The following MTUS2 variants were observed in gnomAD, a reference collection of about 807,000 sequenced individuals.
MTUS2 encodes microtubule-associated tumor suppressor candidate 2.
In MTUS2, 40 loss-of-function variants were observed where a neutral mutation model predicts 114.1. The ratio of observed to expected loss-of-function variants is 0.35; its 90% confidence interval spans 0.27 to 0.46. The LOEUF is 0.46. MTUS2 is among the 20% of genes least tolerant of loss of function. The pLI, the probability that MTUS2 is intolerant of heterozygous loss-of-function variation, is 1.00. For synonymous variants in MTUS2, 688 were observed against 672.0 expected (o/e 1.02, Z -0.37); for missense variants, 1,679 against 1,705.4 (o/e 0.98, Z 0.27).
At chr13:29,485,183 A>G (rs989349327) in intron 10 of MTUS2, 5 of 152,690 alleles carry the variant, frequency 3.3e-5, no homozygotes, top group Non-Finnish European at 1.5e-5. Context: ...GTGATCTTCA[A>G]TGCATAGAAA....
At chr13:29,054,014 A>G (rs112267832) in intron 4 of MTUS2, among the ~76,000 whole-genome samples, 3 of 152,220 alleles carry the variant, frequency 2.0e-5, no homozygotes, top group Non-Finnish European at 2.9e-5. Context: ...CAGTTTTCCT[A>G]TCTTACAGTC....
At chr13:29,274,959 T>C (rs1284345584) in intron 5 of MTUS2, among the ~76,000 whole-genome samples, 2 of 151,200 alleles carry the variant, frequency 1.3e-5, no homozygotes, top group African/African-American at 4.8e-5. Flanking sequence ...AGTCTCAAAC[T>C]CTGGCCTCAA....
chr13:29,482,804 A>G (rs1258602771), intron 10 of MTUS2, among the ~76,000 whole-genome samples: 1 of 152,226 alleles, frequency 6.6e-6, no homozygotes, highest in African/African-American at 2.4e-5. Flanking sequence ...TCTTTCCAAC[A>G]CAAACCCATT....
At chr13:29,124,455 G>A (rs531423945) in intron 5 of MTUS2, among the ~76,000 whole-genome samples, 1 of 152,148 alleles carries the variant, frequency 6.6e-6, no homozygotes, top group South Asian at 2.1e-4. Context: ...AGGATGTGAA[G>A]ACATTGGAAC....
chr13:29,015,827 C>T (rs1408887530), intron 2 of MTUS2, among the ~76,000 whole-genome samples: 1 of 152,066 alleles, frequency 6.6e-6, no homozygotes, highest in African/African-American at 2.4e-5. Flanking sequence ...TTATAGAACT[C>T]ATTCCATGTG....
intron 4 of MTUS2, among the ~76,000 whole-genome samples, chr13:29,094,574 T>C (rs1453854198): frequency 6.6e-6 from 1 of 152,082 alleles, no homozygotes; most frequent in African/African-American, 2.4e-5. Context: ...CCTTCTGTTT[T>C]TCTTGGCTGG....
chr13:29,180,492 CA>C (rs1311758322), intron 5 of MTUS2, among the ~76,000 whole-genome samples: 4 of 152,174 alleles, frequency 2.6e-5, no homozygotes, highest in Non-Finnish European at 5.9e-5. Context: ...TAAGGTCACT[CA>C]ATTTGGAAAA....
chr13:29,055,296 G>T (rs746767894), intron 4 of MTUS2, among the ~76,000 whole-genome samples: 2 of 151,832 alleles, frequency 1.3e-5, no homozygotes, highest in African/African-American at 2.4e-5. Flanking sequence ...ATCTTTATTC[G>T]TGGTAATATT....
chr13:29,255,249 G>A (rs9506126), intron 5 of MTUS2, among the ~76,000 whole-genome samples: 79,789 of 151,850 alleles, frequency 0.53, 21,756 homozygotes, highest in Non-Finnish European at 0.61. Flanking sequence ...TCAGATAGAG[G>A]CATGGTGTTA....
intron 4 of MTUS2, among the ~76,000 whole-genome samples, chr13:29,069,423 T>C (rs979711347): frequency 6.6e-6 from 1 of 152,214 alleles, no homozygotes; most frequent in African/African-American, 2.4e-5. Flanking sequence ...ACCTTTTTGC[T>C]CTTTTCAGAT....
chr13:29,070,799 T>C (rs1327494856), intron 4 of MTUS2, among the ~76,000 whole-genome samples: 1 of 152,210 alleles, frequency 6.6e-6, no homozygotes, highest in Non-Finnish European at 1.5e-5. Context: ...TGTTATTTGC[T>C]TTTGGACTTC....
At chr13:29,295,952 G>A (rs1017628183) in intron 6 of MTUS2, among the ~76,000 whole-genome samples, 2 of 152,080 alleles carry the variant, frequency 1.3e-5, no homozygotes, top group Non-Finnish European at 2.9e-5. Flanking sequence ...ATAACATGTG[G>A]GGATTATGGT....
chr13:29,070,589 G>A (rs979083070), intron 4 of MTUS2, among the ~76,000 whole-genome samples: 1 of 151,816 alleles, frequency 6.6e-6, no homozygotes, highest in East Asian at 1.9e-4. Context: ...ACTTTTTAGT[G>A]GCATTTGTGT....
intron 8 of MTUS2, among the ~76,000 whole-genome samples, chr13:29,374,700 C>G (rs1871444808): frequency 6.6e-6 from 1 of 152,142 alleles, no homozygotes; most frequent in Admixed American, 6.5e-5. Flanking sequence ...GAGTTCGAGA[C>G]CAGCCTGGCC....
At chr13:28,995,872 A>C (rs9508217) in intron 2 of MTUS2, among the ~76,000 whole-genome samples, 68,921 of 151,932 alleles carry the variant, frequency 0.45, 16,240 homozygotes, top group East Asian at 0.68. Context: ...TCTTTTCCTA[A>C]TTGAATACCC....
intron 7 of MTUS2, among the ~76,000 whole-genome samples, chr13:29,357,718 G>A (rs1285807504): frequency 5.3e-5 from 8 of 152,178 alleles, no homozygotes; most frequent in African/African-American, 1.9e-4. Context: ...TATGTATTCT[G>A]CTATCATAAA....
At chr13:29,241,844 C>T (rs1404262180) in intron 5 of MTUS2, among the ~76,000 whole-genome samples, 2 of 152,024 alleles carry the variant, frequency 1.3e-5, no homozygotes, top group East Asian at 3.9e-4. Context: ...CTGTCCAATC[C>T]ACCTTAGAAA....
intron 7 of MTUS2, among the ~76,000 whole-genome samples, chr13:29,358,550 C>T (rs1869949782): frequency 6.6e-6 from 1 of 152,198 alleles, no homozygotes; most frequent in Admixed American, 6.5e-5. Context: ...TGATGACGTG[C>T]CTCACGTGTG....
chr13:29,359,154 A>G (rs1203564902), intron 7 of MTUS2, 108 bp from the exon 8 acceptor site: 7 of 1,086,760 alleles, frequency 6.4e-6, no homozygotes, highest in Non-Finnish European at 9.1e-6. Flanking sequence ...ACCGTGGGCA[A>G]TTTCTTCTCT....
Sources: gnomAD v4.1 joint callset for allele counts (sites outside exome capture counted in the v4.1 genomes callset) on GRCh38, gnomAD v4.1.1 for gene constraint, MANE v1.5 for transcripts, NCBI Gene and HGNC (gene_info 2026-07-23, HGNC 2026-07-21) for gene names.